The following ARID2 variants were observed in gnomAD, a reference collection of about 807,000 sequenced individuals.
The protein encoded by ARID2 is AT-rich interaction domain 2, also known as AT-rich interactive domain-containing protein 2.
Under a neutral mutation model 184.6 loss-of-function variants are expected in ARID2, and 32 were observed. The observed-to-expected ratio is 0.17, with a 90% CI of 0.13 to 0.23. The LOEUF is 0.23. Among genes scored for constraint, ARID2 ranks in the 10% least tolerant of loss-of-function variants. The pLI, the probability that ARID2 is intolerant of heterozygous loss-of-function variation, is 1.00. For missense variants in ARID2, 1,696 were observed against 2,197.6 expected, an observed-to-expected ratio of 0.77 and a Z score of 4.56; for synonymous variants, 836 against 772.6, an observed-to-expected ratio of 1.08 and a Z score of -1.36.
chr12:45,753,146 C>G (rs1011386400), intron 3 of ARID2, among the ~76,000 whole-genome samples: 2 of 152,082 alleles, frequency 1.3e-5, no homozygotes, highest in African/African-American at 4.8e-5. Context: ...GCCTGTAACC[C>G]CAGCTACTCG....
chr12:45,880,716 A>G (rs1054360745), intron 16 of ARID2, among the ~76,000 whole-genome samples: 1 of 152,222 alleles, frequency 6.6e-6, no homozygotes, highest in Non-Finnish European at 1.5e-5. Flanking sequence ...TTATTTATAC[A>G]TGCTGATGTC....
intron 6 of ARID2, among the ~76,000 whole-genome samples, chr12:45,822,608 C>G (rs1942919199): frequency 6.6e-6 from 1 of 151,986 alleles, no homozygotes; most frequent in African/African-American, 2.4e-5. Context: ...TAGGGAACTA[C>G]TTTATTTTTT....
intron 6 of ARID2, among the ~76,000 whole-genome samples, chr12:45,833,464 C>G (rs899111002): frequency 2.6e-5 from 4 of 151,926 alleles, no homozygotes; most frequent in Non-Finnish European, 5.9e-5. Context: ...TTTCTTGAAA[C>G]TGATTTTTGT....
rs1942785662 is a variant in ARID2, at chr12:45,815,267, T to A, written c.419-2403T>A. On this transcript the variant is annotated intron_variant, in intron 4 of 20. Coordinates refer to ENST00000334344, the MANE Select transcript of ARID2 (RefSeq NM_152641.4). ...CAGTTTACAGTGTAGAATATAAAAA[T>A]CTGCTCCTATATTCATAGAAGTTTC... 2.6e-5 allele frequency among the ~76,000 whole-genome samples: 4 copies of A among 152,232 alleles called. No individual in the cohort carries two copies. The South Asian group carries it at 8.3e-4, about 32-fold the overall frequency.
chr12:45,743,732 C>T (rs370233292), intron 3 of ARID2, among the ~76,000 whole-genome samples: 3 of 152,044 alleles, frequency 2.0e-5, no homozygotes, highest in Non-Finnish European at 2.9e-5. Flanking sequence ...GTGATGATAC[C>T]GAGTTGACCT....
At chr12:45,864,096 A>T (rs962219971) in intron 16 of ARID2, among the ~76,000 whole-genome samples, 2 of 152,010 alleles carry the variant, frequency 1.3e-5, no homozygotes, top group Non-Finnish European at 2.9e-5. Flanking sequence ...AACTCAAGTG[A>T]TCTGCCCACC....
At chr12:45,863,329 CA>C (rs1305948941) in intron 16 of ARID2, among the ~76,000 whole-genome samples, 1 of 152,188 alleles carries the variant, frequency 6.6e-6, no homozygotes, top group African/African-American at 2.4e-5. Flanking sequence ...GGCTCTTATT[CA>C]TATTTAGTTC....
chr12:45,816,675 G>A (rs1212341275), intron 4 of ARID2, among the ~76,000 whole-genome samples: 2 of 152,132 alleles, frequency 1.3e-5, no homozygotes, highest in Admixed American at 6.6e-5. Context: ...CAATCTAAAC[G>A]TCCCTCAACT....
intron 11 of ARID2, chr12:45,845,935 A>G (rs1020429989): frequency 1.3e-5 from 2 of 152,226 alleles, no homozygotes; most frequent in Admixed American, 1.3e-4. Flanking sequence ...TTACAAATAT[A>G]TGATTCAGAC....
intron 6 of ARID2, among the ~76,000 whole-genome samples, chr12:45,827,170 C>T (rs1184925224): frequency 6.6e-6 from 1 of 151,686 alleles, no homozygotes; most frequent in African/African-American, 2.4e-5. Context: ...AGATCCTTCA[C>T]AAGAAGTATA....
chr12:45,821,689 T>A (rs1437782986), intron 6 of ARID2, among the ~76,000 whole-genome samples: 1 of 152,166 alleles, frequency 6.6e-6, no homozygotes. Context: ...GACATAAAAT[T>A]TTCATTGATT....
chr12:45,837,019 G>C (rs1300362634), intron 8 of ARID2, 28 bp downstream of exon 8: 2 of 1,590,272 alleles, frequency 1.3e-6, no homozygotes, highest in Non-Finnish European at 1.7e-6. Flanking sequence ...CCTTAAACTA[G>C]TTTTTATAGT....
At chr12:45,758,681 T>G (rs1272220808) in intron 3 of ARID2, among the ~76,000 whole-genome samples, 2 of 152,218 alleles carry the variant, frequency 1.3e-5, no homozygotes, top group African/African-American at 4.8e-5. Flanking sequence ...TATTCTTTCC[T>G]ATCCTCCTCC....
intron 3 of ARID2, among the ~76,000 whole-genome samples, chr12:45,749,037 G>A (rs1941411604): frequency 6.6e-6 from 1 of 152,198 alleles, no homozygotes; most frequent in African/African-American, 2.4e-5. Context: ...AATCACAGAT[G>A]TTCTCAATGG....
intron 14 of ARID2, 90 bp downstream of exon 14, chr12:45,849,866 AC>A (rs1295658233): frequency 1.4e-6 from 2 of 1,415,214 alleles, no homozygotes; most frequent in Admixed American, 2.2e-5. Context: ...TAAATGTATA[AC>A]TTTTGTGTCT....
intron 4 of ARID2, among the ~76,000 whole-genome samples, chr12:45,813,914 T>C (rs1942758376): frequency 6.6e-6 from 1 of 152,202 alleles, no homozygotes; most frequent in South Asian, 2.1e-4. Flanking sequence ...ACATACCTAA[T>C]ACTTCAGTTT....
intron 3 of ARID2, among the ~76,000 whole-genome samples, chr12:45,736,905 T>C (rs956568325): frequency 7.2e-5 from 11 of 152,186 alleles, no homozygotes; most frequent in African/African-American, 2.7e-4. Context: ...TAAATAGTGT[T>C]TCACCAGTGT....
intron 16 of ARID2, among the ~76,000 whole-genome samples, chr12:45,862,981 G>A (rs966256359): frequency 2.0e-5 from 3 of 152,042 alleles, no homozygotes; most frequent in Non-Finnish European, 2.9e-5. Context: ...CTCTACGAGG[G>A]TGCATGTGCC....
chr12:45,871,798 A>G (rs894071365), intron 16 of ARID2, among the ~76,000 whole-genome samples: 5 of 152,280 alleles, frequency 3.3e-5, no homozygotes, highest in East Asian at 1.9e-4. Context: ...AATAGTTACA[A>G]TGTTATTCAG....
Sources: gnomAD v4.1 joint callset for allele counts (sites outside exome capture counted in the v4.1 genomes callset) on GRCh38, gnomAD v4.1.1 for gene constraint, MANE v1.5 for transcripts, NCBI Gene and HGNC (gene_info 2026-07-23, HGNC 2026-07-21) for gene names.